Variants in SLC22A2 observed in about 807,000 individuals in gnomAD.
SLC22A2 encodes organic cation transporter 2.
SLC22A2 carries 46 observed loss-of-function variants against 60.5 expected under a neutral mutation model. The observed-to-expected ratio is 0.76, with a 90% CI of 0.60 to 0.97. SLC22A2 has a LOEUF of 0.97. Among genes scored for constraint, SLC22A2 ranks in the 50% least tolerant of loss-of-function variants. The pLI, the probability that SLC22A2 is intolerant of heterozygous loss-of-function variation, is 0.00. For missense variants in SLC22A2, 701 were observed against 706.6 expected, an observed-to-expected ratio of 0.99 and a Z score of 0.09; for synonymous variants, 303 against 267.0, an observed-to-expected ratio of 1.13 and a Z score of -1.31.
rs143357794 is a variant in SLC22A2 at position 160,237,778 on chromosome 6, G to A, written c.1501+3696C>T. On this transcript the variant is annotated intron_variant, in intron 9 of 10. Coordinates refer to ENST00000366953, the MANE Select transcript of SLC22A2 (RefSeq NM_003058.4). Reference sequence around the variant, plus strand: ...AGTTAGGCATTCTAAGTCACAGGATGAGATAGGAAGTTGGCACAAGATACA... The same window carrying A: ...AGTTAGGCATTCTAAGTCACAGGATAAGATAGGAAGTTGGCACAAGATACA... 1.7e-3 allele frequency among the ~76,000 whole-genome samples: 263 copies of A among 152,288 alleles called. 2 individuals are homozygous for A. In the East Asian group the frequency reaches 0.03, roughly 18 times the overall value.
intron 1 of SLC22A2, among the ~76,000 whole-genome samples, chr6:160,257,507 T>C (rs1783293586): frequency 6.6e-6 from 1 of 152,152 alleles, no homozygotes; most frequent in Non-Finnish European, 1.5e-5. Flanking sequence ...ATTGGCCATG[T>C]GAGAGAGCCT....
At chr6:160,228,758 C>T (rs1218012589) in intron 9 of SLC22A2, among the ~76,000 whole-genome samples, 1 of 151,918 alleles carries the variant, frequency 6.6e-6, no homozygotes, top group Non-Finnish European at 1.5e-5. Flanking sequence ...TGAAAATGGC[C>T]TGTTCCTGAC....
intron 1 of SLC22A2, 107 bp downstream of exon 1, chr6:160,258,237 A>C: frequency 7.1e-6 from 9 of 1,265,650 alleles, no homozygotes; most frequent in Non-Finnish European, 9.8e-6. Context: ...TGCAGGCCAA[A>C]GAGATGTCCA....
rs181844379 is a variant in SLC22A2 at position 160,235,711 on chromosome 6, T to C, written c.1501+5763A>G. ...CTTACAGCACTGATCTGCTCTTTAA[T>C]AAAAAGTTTGTAAAGAGTTATAAAA... On this transcript the variant is annotated intron_variant, in intron 9 of 10. Transcript: ENST00000366953. Among the ~76,000 whole-genome samples the C allele has an allele frequency of 2.6e-5, 4 of 151,802 alleles. No homozygotes were observed. The East Asian group carries it at 7.9e-4, about 30-fold the overall frequency.
intron 9 of SLC22A2, among the ~76,000 whole-genome samples, chr6:160,239,561 T>C (rs1782965618): frequency 6.6e-6 from 1 of 152,142 alleles, no homozygotes. Context: ...GCTGACCCAT[T>C]AGTCACCCAC....
At chr6:160,243,260 T>C (rs1434688228) in intron 7 of SLC22A2, among the ~76,000 whole-genome samples, 2 of 152,166 alleles carry the variant, frequency 1.3e-5, no homozygotes, top group Non-Finnish European at 2.9e-5. Flanking sequence ...CAGGAAGGGC[T>C]GGAGTAAGAC....
At position 160,243,650 on chromosome 6, in the gene SLC22A2, T is replaced by G; in HGVS notation, c.1201A>C (p.Ile401Leu). The G allele has an allele frequency of 1.2e-6, 2 of 1,614,036 alleles. No homozygotes were observed. The highest frequency in any genetic ancestry group is 1.7e-6 in the Non-Finnish European group (2 of 1,179,974). ...GCAGCCCAAGGGTAACGGCGTCCGATGCGGTCGATGGTGAGGATGATCATG... is the reference window on the plus strand; with the variant it reads ...GCAGCCCAAGGGTAACGGCGTCCGAGGCGGTCGATGGTGAGGATGATCATG... ...AFMIILTIDR[I>L]GRRYPWAASN... is the part of the protein sequence containing the mutation. Residue 401 changes from isoleucine to leucine, a missense_variant, in exon 7 of 11, where the codon ATC becomes CTC. Ile to Leu is a conservative substitution (Grantham distance 5). Transcript: ENST00000366953.
intron 9 of SLC22A2, among the ~76,000 whole-genome samples, chr6:160,230,577 T>G (rs1265413232): frequency 6.6e-6 from 1 of 152,002 alleles, no homozygotes; most frequent in Non-Finnish European, 1.5e-5. Context: ...CAGGACTTAA[T>G]TAACCTTGCC....
intron 9 of SLC22A2, among the ~76,000 whole-genome samples, chr6:160,239,232 A>G (rs1782960311): frequency 6.6e-6 from 1 of 152,158 alleles, no homozygotes; most frequent in Non-Finnish European, 1.5e-5. Context: ...GTCACCCTAT[A>G]TAGTCTGAAA....
At position 160,241,546 on chromosome 6, in the gene SLC22A2, C is replaced by A; in HGVS notation, c.1429G>T (p.Gly477Cys). 1 of 1,613,528 alleles carries A rather than the reference C, an allele frequency of 6.2e-7. No homozygotes were observed. Among genetic ancestry groups the A allele is most frequent in the Non-Finnish European group, 8.5e-7 (1 of 1,179,558 alleles). Residue 477 changes from glycine to cysteine, a missense_variant, in exon 9 of 11, where the codon GGT (glycine) becomes TGT (cysteine). Physicochemically the swap from Gly to Cys is radical, Grantham distance 159. Transcript: ENST00000366953. Reference protein sequence around the residue: ...VHICSSMCDIGGIITPFLVYR... With the variant: ...VHICSSMCDICGIITPFLVYR... ...ACCAGGAATGGCGTGATGATGCCAC[C>A]AATGTCACACATTGAGGAACAGATG...
chr6:160,256,057 C>G (rs1783266914), intron 2 of SLC22A2, among the ~76,000 whole-genome samples: 1 of 152,128 alleles, frequency 6.6e-6, no homozygotes, highest in South Asian at 2.1e-4. Flanking sequence ...ACATTTACCC[C>G]TCGTGTTGTA....
In SLC22A2 at chr6:160,217,425, T is replaced by C. The variant is rs778452867; in HGVS notation, c.*7A>G. 2.5e-6 allele frequency: 4 copies of C among 1,584,394 alleles called. No individual in the cohort carries two copies. In the African/African-American group the frequency reaches 5.4e-5, roughly 21 times the overall value. ...CTAGGTCATGACAGCAGCAACGGTC[T>C]CTCTTCTTAGTTCAATGGAATGTCT... On this transcript the variant is annotated 3_prime_UTR_variant, in exon 11 of 11. Coordinates refer to ENST00000366953, the MANE Select transcript of SLC22A2 (RefSeq NM_003058.4).
At chr6:160,239,975 C>A (rs143485708) in intron 9 of SLC22A2, among the ~76,000 whole-genome samples, 1 of 152,056 alleles carries the variant, frequency 6.6e-6, no homozygotes, top group African/African-American at 2.4e-5. Flanking sequence ...AGCAGGGTAG[C>A]TGTGTGGGGC....
chr6:160,223,179 T>C (rs1782669998), intron 10 of SLC22A2, among the ~76,000 whole-genome samples: 1 of 152,186 alleles, frequency 6.6e-6, no homozygotes, highest in Non-Finnish European at 1.5e-5. Flanking sequence ...CTAAACATAC[T>C]GTATAAACAA....
intron 9 of SLC22A2, among the ~76,000 whole-genome samples, chr6:160,233,565 C>T (rs541952333): frequency 1.3e-5 from 2 of 152,080 alleles, no homozygotes; most frequent in Admixed American, 1.3e-4. Context: ...CCCTTGGACA[C>T]TCTCTAATTG....
chr6:160,245,561 G>C lies in SLC22A2; in HGVS notation c.958-16C>G, dbSNP rs1479185345. On this transcript the variant is annotated splice_polypyrimidine_tract_variant and intron_variant, in intron 5 of 10. Coordinates refer to ENST00000366953, the MANE Select transcript of SLC22A2 (RefSeq NM_003058.4). ...GTCTCAGGCGCTAAGAAAAGGAATAGAAAGGACGGCTTTGTATATTTAATG... is the reference window on the plus strand; with the variant it reads ...GTCTCAGGCGCTAAGAAAAGGAATACAAAGGACGGCTTTGTATATTTAATG... 6.6e-7 allele frequency: 1 copy of C among 1,524,000 alleles called. No individual in the cohort carries two copies. The highest frequency in any genetic ancestry group is 1.7e-5 in the Admixed American group (1 of 58,862). 94.4% of individuals were successfully genotyped at this position (1,524,000 alleles called of 1,614,324 possible). A position where few individuals can be genotyped will look rare whatever the true frequency, so the allele number is the denominator to read the frequency against.
chr6:160,217,686 C>A (rs528968415), intron 10 of SLC22A2, among the ~76,000 whole-genome samples, 188 bp from the exon 11 acceptor site: 1 of 152,058 alleles, frequency 6.6e-6, no homozygotes, highest in Non-Finnish European at 1.5e-5. Context: ...TAACTCATGT[C>A]GACAGAGTTA....
chr6:160,227,246 T>A (rs982557932), intron 9 of SLC22A2, among the ~76,000 whole-genome samples: 10 of 152,178 alleles, frequency 6.6e-5, no homozygotes, highest in African/African-American at 2.4e-4. Flanking sequence ...TCTCAAAGGG[T>A]ACCACCTATG....
chr6:160,255,572 T>C (rs954161637), intron 2 of SLC22A2, among the ~76,000 whole-genome samples: 3 of 152,070 alleles, frequency 2.0e-5, no homozygotes, highest in Admixed American at 6.6e-5. Context: ...ACATGTAAAT[T>C]CATAATTATA....
Sources: allele counts gnomAD v4.1 joint callset (sites outside exome capture counted in the v4.1 genomes callset), GRCh38; gene constraint gnomAD v4.1.1; transcripts MANE v1.5; gene names NCBI Gene and HGNC (gene_info 2026-07-23, HGNC 2026-07-21).